The following DIAPH2 variants were observed in gnomAD, a reference collection of about 807,000 sequenced individuals.
DIAPH2 encodes the protein diaphanous related formin 2.
A neutral mutation model predicts 92.7 loss-of-function variants in DIAPH2; 35 were observed. The observed-to-expected ratio is 0.38, with a 90% confidence interval of 0.29 to 0.50. The LOEUF (loss-of-function observed/expected upper bound fraction) is 0.50, where lower values mean the gene tolerates loss of function less well. Among genes scored for constraint, DIAPH2 ranks in the 20% least tolerant of loss-of-function variants. DIAPH2 has a pLI of 0.94. For missense variants in DIAPH2, 701 were observed against 819.5 expected (o/e 0.86, Z 1.77); for synonymous variants, 301 against 280.4 (o/e 1.07, Z -0.73).
intron 24 of DIAPH2, among the ~76,000 whole-genome samples, chrX:97,371,642 G>A (rs777322055): frequency 1.3e-4 from 14 of 111,166 alleles, no homozygotes; most frequent in Non-Finnish European, 2.6e-4. Flanking sequence ...AATTCTACTT[G>A]TCAAGGTAAT....
chrX:97,383,844 CTG>C, intron 24 of DIAPH2, 63 bp from the exon 25 acceptor site: 1 of 992,443 alleles, frequency 1.0e-6, no homozygotes, highest in Non-Finnish European at 1.3e-6. Flanking sequence ...AAATTCAAAA[CTG>C]TGCAATGTCT....
At chrX:96,775,353 TTG>T (rs60441028) in intron 4 of DIAPH2, among the ~76,000 whole-genome samples, 14,993 of 89,189 alleles carry the variant, frequency 0.17, 1,110 homozygotes, top group East Asian at 0.31. Context: ...CAACGTGTGC[TTG>T]TGTGTGTGTG....
rs148684984 is a variant in DIAPH2, at chrX:97,228,739, G to A, written c.2720-18976G>A. Among the ~76,000 whole-genome samples, 6 of 111,928 alleles carry A rather than the reference G, an allele frequency of 5.4e-5. No individual in the cohort carries two copies. The East Asian group carries it at 1.7e-3, about 31-fold the overall frequency. The stretch of plus-strand genomic sequence containing the variant: ...TAAAGGGTGACACTAGTAACAATTT[G>A]TAAAGAGGAAACTGTAGAAATGCAA... On this transcript the variant is annotated intron_variant, in intron 22 of 26. Transcript: ENST00000324765.
intron 7 of DIAPH2, 130 bp downstream of exon 7, chrX:96,912,682 A>G: frequency 2.5e-6 from 2 of 805,945 alleles, no homozygotes; most frequent in Non-Finnish European, 3.2e-6. Context: ...ATAGGCGAAC[A>G]TGTGCCATGG....
At chrX:96,944,768 T>G (rs1183037931) in intron 13 of DIAPH2, among the ~76,000 whole-genome samples, 2 of 111,718 alleles carry the variant, frequency 1.8e-5, no homozygotes, top group Admixed American at 1.9e-4. Flanking sequence ...TACCATAGTT[T>G]GTTTATGTAT....
At chrX:97,047,408 C>T (rs766280786) in intron 17 of DIAPH2, among the ~76,000 whole-genome samples, 7 of 107,839 alleles carry the variant, frequency 6.5e-5, no homozygotes, top group Non-Finnish European at 7.7e-5. Context: ...ATTTTTGAAG[C>T]GTAGTCAGTT....
At chrX:96,833,996 A>T (rs146049528) in intron 4 of DIAPH2, among the ~76,000 whole-genome samples, 59 of 111,718 alleles carry the variant, frequency 5.3e-4, no homozygotes, top group Non-Finnish European at 1.0e-3. Flanking sequence ...ACACCATGAG[A>T]ACACTATATT....
At chrX:97,374,968 G>A (rs905040446) in intron 24 of DIAPH2, among the ~76,000 whole-genome samples, 1 of 111,655 alleles carries the variant, frequency 9.0e-6, no homozygotes, top group South Asian at 3.8e-4. Flanking sequence ...TCTCAAATGG[G>A]AGTGAAAAAG....
At chrX:96,804,417 CA>C (rs946608895) in intron 4 of DIAPH2, among the ~76,000 whole-genome samples, 1 of 111,484 alleles carries the variant, frequency 9.0e-6, no homozygotes, top group Non-Finnish European at 1.9e-5. Flanking sequence ...CTCCATTTAG[CA>C]AATAAAGATA....
Position 97,594,412 on chromosome X carries a change from AG to A in DIAPH2, c.3242-4836del, listed in dbSNP as rs2071537551. 6.2e-5 allele frequency among the ~76,000 whole-genome samples: 7 copies of A among 112,613 alleles called. No homozygotes were observed. In the Admixed American group the frequency reaches 6.5e-4, roughly 11 times the overall value. On this transcript the variant is annotated intron_variant, in intron 26 of 26. Transcript: ENST00000324765. ...CATAAATAAAACCATTTTGGACACA[AG>A]GGGGAAAAAATGTAAGTCCATATGA...
At chrX:96,912,699 G>A in intron 7 of DIAPH2, 147 bp downstream of exon 7, 2 of 741,247 alleles carry the variant, frequency 2.7e-6, no homozygotes, top group Non-Finnish European at 3.5e-6. Context: ...ATGGTGGTTT[G>A]ATGCACAAAT....
chrX:97,193,828 A>C (rs781032067), intron 22 of DIAPH2, among the ~76,000 whole-genome samples: 176 of 112,433 alleles, frequency 1.6e-3, no homozygotes, highest in African/African-American at 5.6e-3. Context: ...AATCAAGCCA[A>C]TTGGAAAATT....
At chrX:96,797,967 C>T (rs1192606985) in intron 4 of DIAPH2, among the ~76,000 whole-genome samples, 1 of 112,239 alleles carries the variant, frequency 8.9e-6, no homozygotes, top group Non-Finnish European at 1.9e-5. Context: ...GGTGCAGGAC[C>T]CCCTGCAAAT....
At chrX:97,274,980 A>G (rs752412739) in intron 23 of DIAPH2, among the ~76,000 whole-genome samples, 2 of 111,992 alleles carry the variant, frequency 1.8e-5, no homozygotes, top group South Asian at 7.4e-4. Flanking sequence ...GATCAACAGC[A>G]TCCCAAGGCA....
At chrX:96,708,815 C>T (rs1226160275) in intron 1 of DIAPH2, among the ~76,000 whole-genome samples, 1 of 111,828 alleles carries the variant, frequency 8.9e-6, no homozygotes, top group Non-Finnish European at 1.9e-5. Flanking sequence ...GAGGTTCTCC[C>T]CTAGGGATAA....
At chrX:97,211,363 GA>G (rs1368187033) in intron 22 of DIAPH2, among the ~76,000 whole-genome samples, 54 of 106,207 alleles carry the variant, frequency 5.1e-4, no homozygotes, top group Middle Eastern at 4.8e-3. Context: ...GTCAAAACAA[GA>G]AAAAAAAAAC....
chrX:96,722,137 C>G (rs1019132616), intron 1 of DIAPH2, among the ~76,000 whole-genome samples: 7 of 111,626 alleles, frequency 6.3e-5, no homozygotes, highest in Non-Finnish European at 1.1e-4. Context: ...GGGCGGATCA[C>G]CTGGGGTCAG....
rs765342276 is a variant in DIAPH2 at position 96,884,802 on chromosome X, A to C, written c.587+3084A>C. The C allele has an allele frequency of 6.6e-6, 8 of 1,209,154 alleles. No homozygotes were observed. The African/African-American group carries it at 1.4e-4, about 21-fold the overall frequency. Reference sequence around the variant, plus strand: ...TGCATATTCTGGAAACGGTCAATGCACACATGATGCTGGATAAAGCCCGTC... The same window carrying C: ...TGCATATTCTGGAAACGGTCAATGCCCACATGATGCTGGATAAAGCCCGTC... On this transcript the variant is annotated intron_variant, in intron 5 of 26. Transcript: ENST00000324765.
At chrX:96,905,371 G>A (rs1000596209) in intron 5 of DIAPH2, among the ~76,000 whole-genome samples, 3 of 111,451 alleles carry the variant, frequency 2.7e-5, no homozygotes, top group African/African-American at 9.8e-5. Context: ...ATTTATGGGA[G>A]AAAGGTTGAG....
Sources: gnomAD v4.1 joint callset for allele counts (sites outside exome capture counted in the v4.1 genomes callset) on GRCh38, gnomAD v4.1.1 for gene constraint, MANE v1.5 for transcripts, NCBI Gene and HGNC (gene_info 2026-07-23, HGNC 2026-07-21) for gene names.